Variants in VPS41 observed in about 807,000 individuals in gnomAD.
VPS41 encodes VPS41 subunit of HOPS complex.
VPS41 carries 85 observed loss-of-function variants against 130.9 expected under a neutral mutation model. That is an observed-to-expected ratio of 0.65 (90% CI 0.55 to 0.78). VPS41 has a LOEUF of 0.78. Ranked by LOEUF, VPS41 falls within the 30% of genes least tolerant of loss-of-function variation. VPS41 has a pLI of 0.00. For synonymous variants in VPS41, 335 were observed against 332.9 expected (o/e 1.01, Z -0.07); for missense variants, 874 against 1,018.7 (o/e 0.86, Z 1.93).
intron 7 of VPS41, among the ~76,000 whole-genome samples, chr7:38,805,916 G>A (rs1174700033): frequency 6.6e-6 from 1 of 152,182 alleles, no homozygotes; most frequent in Non-Finnish European, 1.5e-5. Flanking sequence ...GCAATAATTT[G>A]TGCTCAAACT....
intron 12 of VPS41, among the ~76,000 whole-genome samples, chr7:38,773,037 C>T (rs188312843): frequency 6.6e-6 from 1 of 152,264 alleles, no homozygotes; most frequent in Non-Finnish European, 1.5e-5. Context: ...AATTCATCTA[C>T]TGTATATAAA....
chr7:38,880,593 T>A (rs1311419689), intron 2 of VPS41, among the ~76,000 whole-genome samples: 1 of 152,164 alleles, frequency 6.6e-6, no homozygotes, highest in Non-Finnish European at 1.5e-5. Context: ...CATCCCTCCC[T>A]GATGCGATTC....
At chr7:38,774,084 G>T (rs1483962545) in intron 12 of VPS41, 31 bp downstream of exon 12, 9 of 1,546,752 alleles carry the variant, frequency 5.8e-6, no homozygotes, top group Middle Eastern at 1.7e-4. Context: ...CATTAAAAAA[G>T]CATATCAGCC....
At position 38,897,417 on chromosome 7, in the gene VPS41, G is replaced by T. The variant is rs949418322; in HGVS notation, c.60+674C>A. ...TCCCAGCACTTTGGGAGGCAGAGGC[G>T]GGTGGATCACAAGGTCAGGAGATCA... On this transcript the variant is annotated intron_variant, in intron 2 of 28. Coordinates refer to ENST00000310301, the MANE Select transcript of VPS41 (RefSeq NM_014396.4). Among the ~76,000 whole-genome samples, 7 of 151,930 alleles carry T rather than the reference G, an allele frequency of 4.6e-5. 1 individual carries two copies. Among genetic ancestry groups the T allele is most frequent in the African/African-American group, 1.4e-4 (6 of 41,496 alleles).
chr7:38,772,065 T>C (rs1784164922), intron 13 of VPS41, among the ~76,000 whole-genome samples: 1 of 152,110 alleles, frequency 6.6e-6, no homozygotes, highest in African/African-American at 2.4e-5. Context: ...TAAGCGATAT[T>C]GGGCATTATC....
At chr7:38,807,518 C>CT (rs1286507537) in intron 7 of VPS41, among the ~76,000 whole-genome samples, 2 of 152,188 alleles carry the variant, frequency 1.3e-5, no homozygotes, top group Non-Finnish European at 2.9e-5. Context: ...AGTCACTATT[C>CT]TGACTAATGG....
intron 25 of VPS41, among the ~76,000 whole-genome samples, chr7:38,731,248 A>AT (rs1211441549): frequency 6.6e-6 from 1 of 152,220 alleles, no homozygotes; most frequent in Non-Finnish European, 1.5e-5. Context: ...ATTAAAGGTG[A>AT]TAAGTGAAGG....
At chr7:38,830,230 T>C (rs749969940) in intron 5 of VPS41, 24 bp downstream of exon 5, 6 of 1,557,312 alleles carry the variant, frequency 3.9e-6, no homozygotes, top group East Asian at 4.5e-5. Flanking sequence ...CAGAACTCTC[T>C]GCATGACCAC....
chr7:38,886,602 C>T (rs1170487353), intron 2 of VPS41, among the ~76,000 whole-genome samples: 1 of 152,246 alleles, frequency 6.6e-6, no homozygotes, highest in African/African-American at 2.4e-5. Context: ...TATATCTGAA[C>T]AAAAGGCAGC....
intron 14 of VPS41, among the ~76,000 whole-genome samples, chr7:38,768,559 T>C (rs1156620041): frequency 1.3e-5 from 2 of 152,222 alleles, no homozygotes; most frequent in African/African-American, 4.8e-5. Context: ...TCATTTTTAG[T>C]ATATTAAATT....
intron 2 of VPS41, among the ~76,000 whole-genome samples, chr7:38,883,504 C>T (rs1269086159): frequency 1.3e-5 from 2 of 152,162 alleles, no homozygotes; most frequent in Non-Finnish European, 2.9e-5. Flanking sequence ...GATAAAACAG[C>T]AACTCCTCAG....
chr7:38,776,565 G>C (rs1248724656), intron 11 of VPS41, 114 bp downstream of exon 11: 2 of 579,328 alleles, frequency 3.5e-6, no homozygotes, highest in Non-Finnish European at 3.2e-6. Flanking sequence ...TTATTTTATA[G>C]GTCAGAAAGT....
At chr7:38,771,120 C>A in intron 14 of VPS41, 78 bp downstream of exon 14, 2 of 1,062,160 alleles carry the variant, frequency 1.9e-6, no homozygotes, top group Non-Finnish European at 2.8e-6. Context: ...AAAACCTGTT[C>A]TTTTCAAATT....
chr7:38,894,064 G>C (rs146137234), intron 2 of VPS41, among the ~76,000 whole-genome samples: 4 of 152,174 alleles, frequency 2.6e-5, no homozygotes, highest in Admixed American at 6.5e-5. Context: ...ATTCTTTATG[G>C]AAATGGAAAT....
intron 7 of VPS41, among the ~76,000 whole-genome samples, chr7:38,814,744 T>C (rs1335902284): frequency 6.6e-6 from 1 of 152,222 alleles, no homozygotes; most frequent in Non-Finnish European, 1.5e-5. Context: ...TCAACACTCA[T>C]ATTATCTCTG....
At chr7:38,821,331 GAACA>G in intron 5 of VPS41, 66 bp from the exon 6 acceptor site, 17 of 1,059,082 alleles carry the variant, frequency 1.6e-5, no homozygotes, top group Non-Finnish European at 2.3e-5. Context: ...GAGTCAGTAT[GAACA>G]CATACTATCA....
At chr7:38,866,086 T>C (rs7803397) in intron 3 of VPS41, among the ~76,000 whole-genome samples, 49,269 of 151,836 alleles carry the variant, frequency 0.32, 8,632 homozygotes, top group Admixed American at 0.53. Flanking sequence ...AGAAAAGAGC[T>C]CCAGATGTGT....
intron 7 of VPS41, among the ~76,000 whole-genome samples, chr7:38,810,672 T>C (rs1019537638): frequency 6.6e-6 from 1 of 152,172 alleles, no homozygotes; most frequent in African/African-American, 2.4e-5. Context: ...AGAATGTCTT[T>C]ATTCCACATT....
intron 16 of VPS41, among the ~76,000 whole-genome samples, chr7:38,763,748 A>T (rs1254095337): frequency 6.6e-6 from 1 of 152,208 alleles, no homozygotes; most frequent in African/African-American, 2.4e-5. Flanking sequence ...AAGTATATAC[A>T]TGTATGAATG....
Sources: gnomAD v4.1 joint callset for allele counts (sites outside exome capture counted in the v4.1 genomes callset) on GRCh38, gnomAD v4.1.1 for gene constraint, MANE v1.5 for transcripts, NCBI Gene and HGNC (gene_info 2026-07-23, HGNC 2026-07-21) for gene names.